Variants in DNAJA4 observed in about 807,000 individuals in gnomAD.
The protein encoded by DNAJA4 is DnaJ heat shock protein family (Hsp40) member A4, also known as dnaJ homolog subfamily A member 4.
Under a neutral mutation model 39.7 loss-of-function variants are expected in DNAJA4, and 32 were observed. That is an observed-to-expected ratio of 0.81 (90% confidence interval 0.61 to 1.08). The LOEUF (loss-of-function observed/expected upper bound fraction) is 1.08, where lower values mean the gene tolerates loss of function less well. DNAJA4 is among the 50% of genes least tolerant of loss of function. The pLI is 0.00. For synonymous variants in DNAJA4, 184 were observed against 182.4 expected (o/e 1.01, Z -0.07); for missense variants, 439 against 505.1 (o/e 0.87, Z 1.25).
In DNAJA4 at chr15:78,279,200, C is replaced by T. The variant is rs2049577523; in HGVS notation, c.878-845C>T. The T allele has an allele frequency of 6.6e-6, 1 of 152,200 alleles. No individual in the cohort carries two copies. Among genetic ancestry groups the T allele is most frequent in the African/African-American group, 2.4e-5 (1 of 41,434 alleles). 9.4% of individuals were successfully genotyped at this position (152,200 alleles called of 1,614,324 possible). ...AGACAGCTCACTTTCTACATAGTCCCGTATGGAAGTGGACTGCTGAAGAAA... is the reference window on the plus strand; with the variant it reads ...AGACAGCTCACTTTCTACATAGTCCTGTATGGAAGTGGACTGCTGAAGAAA... On this transcript the variant is annotated intron_variant, in intron 5 of 6. Coordinates refer to ENST00000394852, the MANE Select transcript of DNAJA4 (RefSeq NM_001130182.2). This position sits in a 1 kb window ranked among gnomAD's most constrained non-coding sequence, Gnocchi z 4.5.
In DNAJA4 at chr15:78,269,478, ATAAGT is replaced by A. The variant is rs536006686; in HGVS notation, c.133-1017_133-1013del. Among the ~76,000 whole-genome samples the A allele has an allele frequency of 4.9e-3, 745 of 151,482 alleles. 4 individuals carry two copies. The highest frequency in any genetic ancestry group is 6.4e-3 in the Non-Finnish European group (433 of 67,738). The stretch of plus-strand genomic sequence containing the variant: ...CTTCACCTAGCTTTACCAGTTATAA[ATAAGT>A]TGTCACATTTGTTTTATCTATTATT... On this transcript the variant is annotated intron_variant, in intron 1 of 6. Transcript: ENST00000394852.
intron 1 of DNAJA4, chr15:78,270,124 G>T (rs1341432601): frequency 6.1e-6 from 1 of 164,284 alleles, no homozygotes; most frequent in Non-Finnish European, 1.3e-5. Flanking sequence ...TGAGCCAGTG[G>T]TAATGCCCAG....
Position 78,280,080 on chromosome 15 carries a change from C to G in DNAJA4, c.913C>G (p.Arg305Gly), listed in dbSNP as rs141600338. 2.5e-6 allele frequency: 4 copies of G among 1,614,150 alleles called. No homozygotes were observed. In the South Asian group the frequency reaches 3.3e-5, roughly 13 times the overall value. ...AAAGCACGGGGACCTGAGATGCGTG[C>G]GCGATGAAGGAATGCCCATCTACAA... ...VIKHGDLRCV[R>G]DEGMPIYKAP... Residue 305 changes from arginine (R) to glycine (G), a missense_variant, in exon 6 of 7, where the codon CGC becomes GGC. By Grantham distance (125) the Arg-to-Gly change is moderately radical. Coordinates refer to ENST00000394852, the MANE Select transcript of DNAJA4 (RefSeq NM_001130182.2).
intron 3 of DNAJA4, 138 bp from the exon 4 acceptor site, chr15:78,274,059 T>G: frequency 4.1e-6 from 3 of 723,748 alleles, no homozygotes; most frequent in Non-Finnish European, 6.8e-6. Flanking sequence ...CTCTTCTGCA[T>G]TGTTTTTTAT....
intron 5 of DNAJA4, among the ~76,000 whole-genome samples, chr15:78,275,934 G>A (rs1363548013): frequency 2.0e-5 from 3 of 152,100 alleles, no homozygotes; most frequent in Non-Finnish European, 4.4e-5. Flanking sequence ...TTTGTGTTGG[G>A]AATAGTTCCC....
At chr15:78,276,718 C>T (rs2049471738) in intron 5 of DNAJA4, among the ~76,000 whole-genome samples, 1 of 152,244 alleles carries the variant, frequency 6.6e-6, no homozygotes, top group Non-Finnish European at 1.5e-5. Flanking sequence ...GCTGGGATTA[C>T]CTTTTTCTAT....
chr15:78,277,803 C>A, intron 5 of DNAJA4: 2 of 346,770 alleles, frequency 5.8e-6, no homozygotes, highest in Non-Finnish European at 1.1e-5. Context: ...AGAAAGAGCC[C>A]CAGAGGGAAG....
rs34555391 is a variant in DNAJA4 at position 78,280,375 on chromosome 15, A to T, written c.1109A>T (p.Asn370Ile). ...GTGGAGCTGAAGGAGTTTTGTCCCAATGAGCAGAACTGGCGTCAGCACAGG... is the reference window on the plus strand; with the variant it reads ...GTGGAGCTGAAGGAGTTTTGTCCCATTGAGCAGAACTGGCGTCAGCACAGG... ...DQVELKEFCP[N>I]EQNWRQHREA... Residue 370 changes from asparagine to isoleucine, a missense_variant, in exon 7 of 7, where the codon AAT becomes ATT. Transcript: ENST00000394852. 7 of 1,614,106 alleles carry T rather than the reference A, an allele frequency of 4.3e-6. No individual in the cohort carries two copies. Among genetic ancestry groups the T allele is most frequent in the African/African-American group, 1.3e-5 (1 of 74,942 alleles).
intron 1 of DNAJA4, 63 bp from the exon 2 acceptor site, chr15:78,270,434 C>A: frequency 1.3e-6 from 2 of 1,530,052 alleles, no homozygotes; most frequent in African/African-American, 1.4e-5. Flanking sequence ...GTTTATATGG[C>A]AGGTTTGCTT....
chr15:78,273,969 A>T (rs2049373361), intron 3 of DNAJA4, among the ~76,000 whole-genome samples: 1 of 152,178 alleles, frequency 6.6e-6, no homozygotes. Flanking sequence ...ATAAATTTGG[A>T]TTGGTGCAGC....
chr15:78,264,413 C>G (rs2049056284), upstream of DNAJA4: 1 of 1,367,554 alleles, frequency 7.3e-7, no homozygotes, highest in East Asian at 3.1e-5. Context: ...TGGGCCGCGC[C>G]GGACGGGCGT....
In DNAJA4 at chr15:78,275,457, G is replaced by T. The variant is rs377692773; in HGVS notation, c.647-41G>T. 20 of 1,513,448 alleles carry T rather than the reference G, an allele frequency of 1.3e-5. No individual in the cohort carries two copies. In the African/African-American group the frequency reaches 2.6e-4, roughly 20 times the overall value. The allele number at this position is 1,513,448 out of a possible 1,614,324, so 93.8% of individuals were successfully genotyped here. ...CAAAAGCTTTAAGGAAGCATGGTTT[G>T]TATGAGAAATGGCTAATCAGAAAGG... is the stretch of plus-strand genomic sequence containing the variant. On this transcript the variant is annotated intron_variant, in intron 4 of 6. Coordinates refer to ENST00000394852, the MANE Select transcript of DNAJA4 (RefSeq NM_001130182.2).
chr15:78,276,290 C>T (rs2049455421), intron 5 of DNAJA4, among the ~76,000 whole-genome samples: 1 of 152,180 alleles, frequency 6.6e-6, no homozygotes. Flanking sequence ...ATAGAATTTT[C>T]CTGTAAGAAA....
chr15:78,274,936 C>T, intron 4 of DNAJA4: 1 of 176,986 alleles, frequency 5.7e-6, no homozygotes, highest in South Asian at 1.3e-4. Flanking sequence ...GGCCTTTTTC[C>T]ATTTTAGCTG....
intron 5 of DNAJA4, chr15:78,278,190 G>C (rs750592346): frequency 8.8e-6 from 4 of 456,034 alleles, no homozygotes; most frequent in East Asian, 1.4e-4. Context: ...AGCCTAACTC[G>C]TGGTCTTCTT....
chr15:78,280,096 C>A lies in DNAJA4; in HGVS notation c.929C>A (p.Pro310His). 2 of 1,614,190 alleles carry A rather than the reference C, an allele frequency of 1.2e-6. No homozygotes were observed. Among genetic ancestry groups the A allele is most frequent in the Non-Finnish European group, 1.7e-6 (2 of 1,180,026 alleles). The change falls in exon 6 of 7, where the codon CCC (proline) becomes CAC (histidine). Residue 310 changes from proline (P) to histidine (H), a missense_variant. Physicochemically the swap from Pro to His is moderately conservative, Grantham distance 77. Transcript: ENST00000394852. Reference protein sequence around the residue: ...DLRCVRDEGMPIYKAPLEKGI... With the variant: ...DLRCVRDEGMHIYKAPLEKGI... ...AGATGCGTGCGCGATGAAGGAATGC[C>A]CATCTACAAAGCACCCCTGGAAAAA...
chr15:78,268,863 G>C (rs759996500), intron 1 of DNAJA4, among the ~76,000 whole-genome samples: 10 of 152,230 alleles, frequency 6.6e-5, no homozygotes, highest in Non-Finnish European at 1.3e-4. Context: ...CAGCTTGTTA[G>C]AAGGTGGTTC....
intron 1 of DNAJA4, among the ~76,000 whole-genome samples, chr15:78,267,147 TGTGTGA>T (rs1217939244): frequency 2.0e-5 from 3 of 149,616 alleles, no homozygotes; most frequent in African/African-American, 7.6e-5. Context: ...TGTGAGTGTG[TGTGTGA>T]GTGTGTATGT....
chr15:78,280,546 C>T lies in DNAJA4; in HGVS notation c.*86C>T. 1 of 1,201,190 alleles carries T rather than the reference C, an allele frequency of 8.3e-7. No homozygotes were observed. The highest frequency in any genetic ancestry group is 1.2e-6 in the Non-Finnish European group (1 of 859,954). The allele number at this position is 1,201,190 out of a possible 1,614,324, so 74.4% of individuals were successfully genotyped here. A position where few individuals can be genotyped will look rare whatever the true frequency, so the allele number is the denominator to read the frequency against. On this transcript the variant is annotated 3_prime_UTR_variant, in exon 7 of 7. Coordinates refer to ENST00000394852, the MANE Select transcript of DNAJA4 (RefSeq NM_001130182.2). Reference sequence around the variant, plus strand: ...ATGAAAATGACATCGCTTTAATGGCCTTGTGTTTGGGATGTCCTGTGTATG... The same window carrying T: ...ATGAAAATGACATCGCTTTAATGGCTTTGTGTTTGGGATGTCCTGTGTATG...
Sources: gnomAD v4.1 joint callset for allele counts (sites outside exome capture counted in the v4.1 genomes callset) on GRCh38, gnomAD v4.1.1 for gene constraint, Gnocchi (gnomAD v3.1) non-coding constraint, MANE v1.5 for transcripts, NCBI Gene and HGNC (gene_info 2026-07-23, HGNC 2026-07-21) for gene names.